The following ASXL2 variants were observed in gnomAD, a reference collection of about 807,000 sequenced individuals.
The protein encoded by ASXL2 is ASXL transcriptional regulator 2.
In ASXL2, 23 loss-of-function variants were observed where a neutral mutation model predicts 122.0. The ratio of observed to expected loss-of-function variants is 0.19; its 90% CI spans 0.14 to 0.27. The LOEUF (loss-of-function observed/expected upper bound fraction) is 0.27, where lower values mean the gene tolerates loss of function less well. Ranked by LOEUF, ASXL2 falls within the 10% of genes least tolerant of loss-of-function variation. ASXL2 has a pLI of 1.00. For synonymous variants in ASXL2, 650 were observed against 637.0 expected (o/e 1.02, Z -0.31); for missense variants, 1,518 against 1,713.8 (o/e 0.89, Z 2.02).
chr2:25,758,787 A>G (rs1463079304), intron 9 of ASXL2, among the ~76,000 whole-genome samples: 2 of 151,928 alleles, frequency 1.3e-5, no homozygotes, highest in Non-Finnish European at 2.9e-5. Context: ...CAAACTGCAA[A>G]CATTCCCAAG....
intron 5 of ASXL2, among the ~76,000 whole-genome samples, chr2:25,791,416 T>G (rs1306685835): frequency 6.7e-6 from 1 of 148,884 alleles, no homozygotes; most frequent in African/African-American, 2.5e-5. Flanking sequence ...GAACCCACGA[T>G]GGGGAGGTTG....
chr2:25,856,513 C>T (rs1236009878), intron 1 of ASXL2: 2 of 1,103,320 alleles, frequency 1.8e-6, no homozygotes, highest in African/African-American at 3.1e-5. Context: ...AGCCTTGTCC[C>T]CAAGAGCCTC....
rs182792603 is a variant in ASXL2 at position 25,872,161 on chromosome 2, T to G, written c.57+6005A>C. Among the ~76,000 whole-genome samples, 9 of 152,206 alleles carry G rather than the reference T, an allele frequency of 5.9e-5. No homozygotes were observed. In the South Asian group the frequency reaches 1.5e-3, roughly 25 times the overall value. ...TGTAATCCCAACACTTTGGGTCCAT[T>G]GCGAGAGCCCAAGAATTTGAGACCA... On this transcript the variant is annotated intron_variant, in intron 1 of 12. Coordinates refer to ENST00000435504, the MANE Select transcript of ASXL2 (RefSeq NM_018263.6).
Position 25,838,285 on chromosome 2 carries a change from AG to A in ASXL2, c.141-2746del, listed in dbSNP as rs1475979419. Among the ~76,000 whole-genome samples the A allele has an allele frequency of 4.6e-5, 7 of 152,312 alleles. No homozygotes were observed. The South Asian group carries it at 1.0e-3, about 23-fold the overall frequency. ...GTAGGCAGTTTCCTGTGGCCACCTC[AG>A]GCTGCAGCACCAATGAACTTTGCCA... On this transcript the variant is annotated intron_variant, in intron 2 of 12. Coordinates refer to ENST00000435504, the MANE Select transcript of ASXL2 (RefSeq NM_018263.6).
At chr2:25,794,606 T>C (rs2088885540) in intron 5 of ASXL2, among the ~76,000 whole-genome samples, 1 of 152,212 alleles carries the variant, frequency 6.6e-6, no homozygotes. Context: ...TTGGACTGAA[T>C]TTCAAAGTTC....
Position 25,742,141 on chromosome 2 carries a change from T to C in ASXL2, c.4196A>G (p.Lys1399Arg), listed in dbSNP as rs1377642901. 1 of 1,613,882 alleles carries C rather than the reference T, an allele frequency of 6.2e-7. No individual in the cohort carries two copies. Among genetic ancestry groups the C allele is most frequent in the Non-Finnish European group, 8.5e-7 (1 of 1,179,892 alleles). The part of the protein sequence containing the change: ...EENSIEGTPS[K>R]CYCRLKAMIM... ...CATGGCTTTCAAGCGGCAGTAACAT[T>C]TCGAAGGCGTGCCCTCTATGCTGTT... The change falls in exon 13 of 13, where the codon AAA (lysine) becomes AGA (arginine). Residue 1399 changes from lysine (K) to arginine (R), a missense_variant. Physicochemically the swap from Lys to Arg is conservative, Grantham distance 26 (BLOSUM62 2). This residue lies in a region of ASXL2 where 831 missense variants were observed against 833.1 expected (regional missense o/e 1.00). Transcript: ENST00000435504.
At chr2:25,773,614 C>A (rs1221071141) in intron 5 of ASXL2, among the ~76,000 whole-genome samples, 1 of 143,158 alleles carries the variant, frequency 7.0e-6, no homozygotes. Flanking sequence ...TGCAGTGAGC[C>A]GAGATTACGC....
At chr2:25,780,171 T>C (rs929448587) in intron 5 of ASXL2, 1 of 152,178 alleles carries the variant, frequency 6.6e-6, no homozygotes, top group East Asian at 1.9e-4. Context: ...ATTTTACTTA[T>C]TTCTTTAAAC....
At chr2:25,823,832 A>C (rs1294184285) in intron 3 of ASXL2, among the ~76,000 whole-genome samples, 1 of 152,074 alleles carries the variant, frequency 6.6e-6, no homozygotes, top group African/African-American at 2.4e-5. Flanking sequence ...AACTGTTGGA[A>C]GACTTCTTGG....
intron 2 of ASXL2, among the ~76,000 whole-genome samples, chr2:25,839,598 C>T (rs2089552289): frequency 6.7e-6 from 1 of 150,118 alleles, no homozygotes; most frequent in South Asian, 2.1e-4. Flanking sequence ...CCTATTACTC[C>T]TATGGGAAAT....
chr2:25,813,945 G>T (rs1266789844), intron 3 of ASXL2, among the ~76,000 whole-genome samples: 2 of 152,184 alleles, frequency 1.3e-5, no homozygotes, highest in Non-Finnish European at 2.9e-5. Context: ...AGCTACTTGG[G>T]AGGCTGAGGC....
At chr2:25,763,900 T>C (rs754263808) in intron 8 of ASXL2, among the ~76,000 whole-genome samples, 30 of 152,148 alleles carry the variant, frequency 2.0e-4, no homozygotes, top group Non-Finnish European at 2.5e-4. Flanking sequence ...GGCATAAGCA[T>C]CACACAGTCC....
rs1338386930 is a variant in ASXL2, at chr2:25,743,334, A to C, written c.3003T>G (p.Asn1001Lys). 1.2e-6 allele frequency: 2 copies of C among 1,613,462 alleles called. No homozygotes were observed. The highest frequency in any genetic ancestry group is 2.7e-5 in the African/African-American group (2 of 74,752). Residue 1001 changes from asparagine (N) to lysine (K), a missense_variant, in exon 13 of 13, where the codon AAT becomes AAG. By Grantham distance (94) the Asn-to-Lys change is moderately conservative (BLOSUM62 0). Coordinates refer to ENST00000435504, the MANE Select transcript of ASXL2 (RefSeq NM_018263.6). ...TCTCATTAACTTCCTCTCTGGTGCTATTTTCTGTTGTGTTGGTAGCTATGA... is the reference window on the plus strand; with the variant it reads ...TCTCATTAACTTCCTCTCTGGTGCTCTTTTCTGTTGTGTTGGTAGCTATGA... ...GALIATNTTE[N>K]STREEVNERQ...
chr2:25,782,012 T>C (rs1465156950), intron 5 of ASXL2, among the ~76,000 whole-genome samples: 1 of 144,228 alleles, frequency 6.9e-6, no homozygotes, highest in Non-Finnish European at 1.5e-5. Context: ...GCTATGTTTG[T>C]CCAGGTTGGT....
rs78218453 is a variant in ASXL2, at chr2:25,769,812, T to A, written c.505-944A>T. Among the ~76,000 whole-genome samples the A allele has an allele frequency of 2.4e-3, 365 of 152,354 alleles. 2 individuals carry two copies. Among genetic ancestry groups the A allele is most frequent in the African/African-American group, 8.4e-3 (349 of 41,574 alleles). ...GGCTACTTCTGGTTTCCTATTTTCT[T>A]TTCCCAATAGTTTCCTCCTGCTTAA... On this transcript the variant is annotated intron_variant, in intron 6 of 12. Transcript: ENST00000435504.
intron 2 of ASXL2, among the ~76,000 whole-genome samples, chr2:25,837,818 A>C (rs72801865): frequency 0.043 from 6,453 of 151,394 alleles, 211 homozygotes; most frequent in African/African-American, 0.081. Context: ...AAACAAAATA[A>C]AACAAAACCA....
intron 4 of ASXL2, 111 bp from the exon 5 acceptor site, chr2:25,799,646 A>G: frequency 7.9e-7 from 1 of 1,272,662 alleles, no homozygotes; most frequent in Non-Finnish European, 1.1e-6. Flanking sequence ...TTGTTACTAT[A>G]GGATTCAGTA....
rs369654404 is a variant in ASXL2 at position 25,763,755 on chromosome 2, A to G, written c.775+3828T>C. ...ACACAACCCTATGAAGTAGGTAACT[A>G]TTATCACCCCATTTCACAGATGAAG... is the stretch of plus-strand genomic sequence containing the variant. On this transcript the variant is annotated intron_variant, in intron 8 of 12. Coordinates refer to ENST00000435504, the MANE Select transcript of ASXL2 (RefSeq NM_018263.6). Among the ~76,000 whole-genome samples, 12 of 152,274 alleles carry G rather than the reference A, an allele frequency of 7.9e-5. No homozygotes were observed. In the East Asian group the frequency reaches 9.6e-4, roughly 12 times the overall value.
At chr2:25,769,262 A>T (rs948143180) in intron 6 of ASXL2, among the ~76,000 whole-genome samples, 8 of 152,238 alleles carry the variant, frequency 5.3e-5, no homozygotes, top group Admixed American at 3.3e-4. Flanking sequence ...CATTTCTAGA[A>T]ATGAAATTCT....
Sources: allele counts gnomAD v4.1 joint callset (sites outside exome capture counted in the v4.1 genomes callset), GRCh38; gene constraint gnomAD v4.1.1; regional missense constraint gnomAD v4.1.1; transcripts MANE v1.5; gene names NCBI Gene and HGNC (gene_info 2026-07-23, HGNC 2026-07-21).